Variants in IGSF21 observed in about 807,000 individuals in gnomAD.
IGSF21 encodes the protein immunoglobin superfamily member 21.
In IGSF21, 28 loss-of-function variants were observed where a neutral mutation model predicts 46.8. That is an observed-to-expected ratio of 0.60 (90% CI 0.44 to 0.82). The LOEUF is 0.82. IGSF21 is among the 40% of genes least tolerant of loss of function. IGSF21 has a pLI of 0.00. For synonymous variants in IGSF21, 284 were observed against 273.6 expected (o/e 1.04, Z -0.38); for missense variants, 624 against 665.5 (o/e 0.94, Z 0.69).
At chr1:18,209,820 C>T (rs2084371027) in intron 1 of IGSF21, among the ~76,000 whole-genome samples, 1 of 152,064 alleles carries the variant, frequency 6.6e-6, no homozygotes, top group African/African-American at 2.4e-5. Context: ...TGCCCTGGTC[C>T]TGTCATTTCT....
chr1:18,305,160 A>G (rs2085406484), intron 3 of IGSF21, among the ~76,000 whole-genome samples: 1 of 151,616 alleles, frequency 6.6e-6, no homozygotes, highest in Non-Finnish European at 1.5e-5. Flanking sequence ...CACAGTAAGC[A>G]CTCAATAAGA....
intron 3 of IGSF21, among the ~76,000 whole-genome samples, chr1:18,318,092 G>C (rs1335745979): frequency 6.6e-6 from 1 of 152,330 alleles, no homozygotes; most frequent in Non-Finnish European, 1.5e-5. Flanking sequence ...CTAGAAGCCA[G>C]CAGGTAGTCA....
intron 1 of IGSF21, among the ~76,000 whole-genome samples, chr1:18,129,267 G>C (rs1384531932): frequency 1.3e-5 from 2 of 152,124 alleles, no homozygotes; most frequent in Non-Finnish European, 2.9e-5. Context: ...AGGGCACCAG[G>C]ATGGCAAATT....
intron 1 of IGSF21, among the ~76,000 whole-genome samples, chr1:18,216,975 G>A (rs1434136858): frequency 6.6e-6 from 1 of 152,140 alleles, no homozygotes; most frequent in African/African-American, 2.4e-5. Context: ...CTTCATGAGT[G>A]GTAGTGCGTG....
intron 3 of IGSF21, among the ~76,000 whole-genome samples, chr1:18,307,459 AG>A (rs774297719): frequency 1.3e-5 from 2 of 152,206 alleles, no homozygotes; most frequent in African/African-American, 4.8e-5. Flanking sequence ...ACAACGAAGC[AG>A]GTCCTGTTAT....
At chr1:18,136,519 C>T (rs2086368785) in intron 1 of IGSF21, among the ~76,000 whole-genome samples, 1 of 152,186 alleles carries the variant, frequency 6.6e-6, no homozygotes, top group African/African-American at 2.4e-5. Flanking sequence ...ATAGGGAATC[C>T]TTTCCCCATT....
chr1:18,253,155 G>A (rs182617024), intron 2 of IGSF21, among the ~76,000 whole-genome samples: 19 of 152,238 alleles, frequency 1.2e-4, no homozygotes, highest in Non-Finnish European at 1.8e-4. Context: ...AGCAGGCTGC[G>A]TTTCCCAGCA....
At chr1:18,208,769 T>C (rs1171351991) in intron 1 of IGSF21, among the ~76,000 whole-genome samples, 1 of 151,932 alleles carries the variant, frequency 6.6e-6, no homozygotes, top group African/African-American at 2.4e-5. Flanking sequence ...TGTCCTTCAA[T>C]AGTACATGGA....
intron 2 of IGSF21, among the ~76,000 whole-genome samples, chr1:18,234,269 C>A (rs1191956071): frequency 6.6e-6 from 1 of 152,192 alleles, no homozygotes; most frequent in Non-Finnish European, 1.5e-5. Context: ...TCTAGGCCTC[C>A]TTCCCCAACC....
At chr1:18,139,502 A>G (rs2086395892) in intron 1 of IGSF21, among the ~76,000 whole-genome samples, 1 of 152,200 alleles carries the variant, frequency 6.6e-6, no homozygotes, top group African/African-American at 2.4e-5. Flanking sequence ...TCCAGAGCCC[A>G]GGGCCTTCCC....
chr1:18,120,964 A>C (rs1287309562), intron 1 of IGSF21, among the ~76,000 whole-genome samples: 1 of 152,106 alleles, frequency 6.6e-6, no homozygotes, highest in African/African-American at 2.4e-5. Flanking sequence ...CCTATTCGTC[A>C]TTCCCCAGTC....
chr1:18,277,477 A>C (rs2085113344), intron 2 of IGSF21, among the ~76,000 whole-genome samples: 1 of 152,236 alleles, frequency 6.6e-6, no homozygotes, highest in African/African-American at 2.4e-5. Flanking sequence ...GTAGGTGCTC[A>C]GGGAACCCTT....
intron 2 of IGSF21, among the ~76,000 whole-genome samples, chr1:18,240,802 C>A (rs948731845): frequency 6.6e-6 from 1 of 152,180 alleles, no homozygotes; most frequent in African/African-American, 2.4e-5. Flanking sequence ...GTCAAAACTG[C>A]AGTAGGAAGT....
In IGSF21 at chr1:18,291,850, CT is replaced by C. The variant is rs1314660353; in HGVS notation, c.184-15del. ...GTTGAGCACTCACGTGTGGCTATCT[CT>C]GTGCTCTGTGGCAGGTGACGGATGG... is the stretch of plus-strand genomic sequence containing the variant. On this transcript the variant is annotated splice_polypyrimidine_tract_variant and intron_variant, in intron 2 of 9. Coordinates refer to ENST00000251296, the MANE Select transcript of IGSF21 (RefSeq NM_032880.5). 6.2e-7 allele frequency: 1 copy of C among 1,613,010 alleles called. No homozygotes were observed.
chr1:18,175,934 G>A (rs922885718), intron 1 of IGSF21, among the ~76,000 whole-genome samples: 10 of 152,222 alleles, frequency 6.6e-5, no homozygotes, highest in Admixed American at 2.0e-4. Context: ...CCTGGCAGTA[G>A]ATCATGCCCA....
At chr1:18,258,986 C>T (rs1222496188) in intron 2 of IGSF21, among the ~76,000 whole-genome samples, 3 of 152,190 alleles carry the variant, frequency 2.0e-5, no homozygotes, top group African/African-American at 7.2e-5. Context: ...TTTTTTCCCT[C>T]TCTCTCCCTT....
intron 2 of IGSF21, among the ~76,000 whole-genome samples, chr1:18,268,070 C>T (rs2085006945): frequency 6.6e-6 from 1 of 152,234 alleles, no homozygotes; most frequent in Admixed American, 6.5e-5. Context: ...AGAACTGTGC[C>T]TGGCACATAA....
intron 6 of IGSF21, among the ~76,000 whole-genome samples, chr1:18,374,366 C>T (rs369783167): frequency 3.3e-5 from 5 of 152,154 alleles, no homozygotes; most frequent in African/African-American, 1.2e-4. Context: ...AAATGTTAGC[C>T]ATCAAACCTG....
intron 1 of IGSF21, among the ~76,000 whole-genome samples, chr1:18,205,189 A>C (rs995287157): frequency 6.6e-6 from 1 of 151,968 alleles, no homozygotes; most frequent in African/African-American, 2.4e-5. Context: ...AGAGGAGGAG[A>C]GAGAGAATTC....
Sources: gnomAD v4.1 joint callset for allele counts (sites outside exome capture counted in the v4.1 genomes callset) on GRCh38, gnomAD v4.1.1 for gene constraint, MANE v1.5 for transcripts, NCBI Gene and HGNC (gene_info 2026-07-23, HGNC 2026-07-21) for gene names.